MYT1L: variants seen among roughly 807,000 people sequenced by gnomAD.
MYT1L encodes myelin transcription factor 1-like protein.
In MYT1L, 12 loss-of-function variants were observed where a neutral mutation model predicts 126.7. That is an observed-to-expected ratio of 0.09 (90% CI 0.06 to 0.15). The LOEUF (loss-of-function observed/expected upper bound fraction) is 0.15. Ranked by LOEUF, MYT1L falls within the 10% of genes least tolerant of loss-of-function variation. The probability of loss-of-function intolerance (pLI) is 1.00; values close to 1 mark genes in which losing one functional copy is unlikely to be tolerated. For synonymous variants in MYT1L, 541 were observed against 604.2 expected (o/e 0.90, Z 1.53); for missense variants, 979 against 1,585.2 (o/e 0.62, Z 6.49).
Position 2,271,155 on chromosome 2 carries a change from T to C in MYT1L, c.-421+13249A>G, listed in dbSNP as rs2095256475. Among the ~76,000 whole-genome samples, 3 of 152,214 alleles carry C rather than the reference T, an allele frequency of 2.0e-5. No individual in the cohort carries two copies. In the South Asian group the frequency reaches 6.2e-4, roughly 31 times the overall value. On this transcript the variant is annotated intron_variant, in intron 2 of 24. Coordinates refer to ENST00000647738, the MANE Select transcript of MYT1L (RefSeq NM_001303052.2). Reference sequence around the variant, plus strand: ...GCAAGGAACTGACAAGTAACCCTTTTGTTTTTCTCTGTCTCAACAGTCTGG... The same window carrying C: ...GCAAGGAACTGACAAGTAACCCTTTCGTTTTTCTCTGTCTCAACAGTCTGG...
intron 3 of MYT1L, among the ~76,000 whole-genome samples, chr2:2,133,108 G>A (rs1034271675): frequency 6.6e-6 from 1 of 152,142 alleles, no homozygotes; most frequent in African/African-American, 2.4e-5. Context: ...GTTAAGAGAC[G>A]GCGCTTTTTG....
intron 23 of MYT1L, chr2:1,795,599 G>C (rs1475094562): frequency 6.6e-6 from 1 of 152,298 alleles, no homozygotes; most frequent in African/African-American, 2.4e-5. Flanking sequence ...CCTGTGTCGC[G>C]AGTGGGTGTG....
At chr2:1,851,944 C>T (rs773891317) in intron 18 of MYT1L, among the ~76,000 whole-genome samples, 17 of 152,092 alleles carry the variant, frequency 1.1e-4, no homozygotes, top group South Asian at 2.1e-4. Flanking sequence ...GCAGATGCCG[C>T]ACTTTTGGTC....
Position 1,999,403 on chromosome 2 carries a change from C to T in MYT1L, c.-157-2056G>A, listed in dbSNP as rs535090531. ...AGTATAAAACAGATGGGTAAGATAT[C>T]GCTACATCAACTCAAGGCAAGGTGG... is the stretch of plus-strand genomic sequence containing the variant. On this transcript the variant is annotated intron_variant, in intron 4 of 24. Transcript: ENST00000647738. 6.6e-5 allele frequency among the ~76,000 whole-genome samples: 10 copies of T among 152,070 alleles called. No homozygotes were observed. In the South Asian group the frequency reaches 1.0e-3, roughly 16 times the overall value.
chr2:1,990,180 G>T (rs1446422127), intron 5 of MYT1L, among the ~76,000 whole-genome samples: 1 of 152,262 alleles, frequency 6.6e-6, no homozygotes, highest in African/African-American at 2.4e-5. Flanking sequence ...GATCTAGGAG[G>T]TGTAGCTGAT....
chr2:1,963,134 G>C (rs1471503595), intron 8 of MYT1L, among the ~76,000 whole-genome samples: 1 of 152,222 alleles, frequency 6.6e-6, no homozygotes, highest in Non-Finnish European at 1.5e-5. Context: ...AATGGATGTT[G>C]TGTCTGCAGG....
chr2:2,147,665 G>C (rs2148260593), intron 3 of MYT1L, among the ~76,000 whole-genome samples: 1 of 152,252 alleles, frequency 6.6e-6, no homozygotes, highest in Middle Eastern at 3.4e-3. Flanking sequence ...GGGGCGGGTG[G>C]GTGGCTCAGA....
chr2:2,094,406 G>A (rs1400936452), intron 3 of MYT1L, among the ~76,000 whole-genome samples: 12 of 152,132 alleles, frequency 7.9e-5, no homozygotes, highest in Non-Finnish European at 2.9e-5. Flanking sequence ...ATTTGACCCA[G>A]CCATCCCATT....
At chr2:2,152,535 T>A (rs962152554) in intron 3 of MYT1L, among the ~76,000 whole-genome samples, 9 of 152,138 alleles carry the variant, frequency 5.9e-5, no homozygotes, top group African/African-American at 1.9e-4. Context: ...TGGTGAGGGC[T>A]GCAGGAGACG....
intron 18 of MYT1L, among the ~76,000 whole-genome samples, chr2:1,883,628 G>A (rs531586884): frequency 4.2e-4 from 64 of 152,246 alleles, no homozygotes; most frequent in African/African-American, 1.2e-3. Flanking sequence ...CAGGGCTCAC[G>A]GTGACCCTGT....
At chr2:1,946,384 T>C (rs1370341580) in intron 8 of MYT1L, among the ~76,000 whole-genome samples, 1 of 151,974 alleles carries the variant, frequency 6.6e-6, no homozygotes, top group Non-Finnish European at 1.5e-5. Flanking sequence ...CCCCAAACCA[T>C]GGAAAAGCTG....
intron 22 of MYT1L, among the ~76,000 whole-genome samples, chr2:1,805,517 T>C (rs994179342): frequency 6.6e-6 from 1 of 152,092 alleles, no homozygotes; most frequent in Non-Finnish European, 1.5e-5. Context: ...TTTGGGAGGC[T>C]GAGGTGGGCA....
At chr2:2,120,490 T>A (rs2080843458) in intron 3 of MYT1L, among the ~76,000 whole-genome samples, 1 of 152,102 alleles carries the variant, frequency 6.6e-6, no homozygotes, top group African/African-American at 2.4e-5. Flanking sequence ...TTTTTATTTT[T>A]AAAAATCATT....
At chr2:2,237,419 G>A (rs1348770456) in intron 2 of MYT1L, among the ~76,000 whole-genome samples, 4 of 152,298 alleles carry the variant, frequency 2.6e-5, no homozygotes, top group East Asian at 1.9e-4. Context: ...ATGTCTCCTC[G>A]CATCACTGTG....
intron 4 of MYT1L, among the ~76,000 whole-genome samples, chr2:2,038,105 C>A (rs968320297): frequency 6.6e-6 from 1 of 152,074 alleles, no homozygotes; most frequent in Non-Finnish European, 1.5e-5. Context: ...GCAATAGGAC[C>A]GGGACTACAA....
In MYT1L at chr2:1,791,510, T is replaced by C. The variant is rs2032086657; in HGVS notation, c.*357A>G. On this transcript the variant is annotated 3_prime_UTR_variant, in exon 25 of 25. Coordinates refer to ENST00000647738, the MANE Select transcript of MYT1L (RefSeq NM_001303052.2). The surrounding 1 kb of genome is among the most constrained non-coding windows in gnomAD (Gnocchi z 6.0). Reference sequence around the variant, plus strand: ...TTTGTGTGTCCATTTCAGTTCAAAATACTAAAACATTTAATCACTAAAGCA... The same window carrying C: ...TTTGTGTGTCCATTTCAGTTCAAAACACTAAAACATTTAATCACTAAAGCA... The C allele has an allele frequency of 6.5e-5, 21 of 325,334 alleles. No individual in the cohort carries two copies. The highest frequency in any genetic ancestry group is 5.8e-4 in the South Asian group (21 of 36,300). 20.2% of individuals were successfully genotyped at this position (325,334 alleles called of 1,614,324 possible). A position where few individuals can be genotyped will look rare whatever the true frequency, so the allele number is the denominator to read the frequency against.
chr2:1,853,124 G>C (rs972210249), intron 18 of MYT1L, among the ~76,000 whole-genome samples: 1 of 152,148 alleles, frequency 6.6e-6, no homozygotes, highest in Non-Finnish European at 1.5e-5. Context: ...TAGATCTCAG[G>C]GTATAGAAGT....
chr2:1,888,027 A>G (rs1340433550), intron 16 of MYT1L, among the ~76,000 whole-genome samples: 3 of 152,186 alleles, frequency 2.0e-5, no homozygotes, highest in Admixed American at 1.3e-4. Context: ...TTCCCCCACC[A>G]TTGGTCAGTA....
intron 2 of MYT1L, among the ~76,000 whole-genome samples, chr2:2,238,239 T>C (rs373586548): frequency 6.6e-6 from 1 of 152,128 alleles, no homozygotes; most frequent in East Asian, 1.9e-4. Flanking sequence ...AGGAAGTCAG[T>C]CCTTACTGGG....
Sources: allele counts gnomAD v4.1 joint callset (sites outside exome capture counted in the v4.1 genomes callset), GRCh38; gene constraint gnomAD v4.1.1; non-coding constraint Gnocchi (gnomAD v3.1); transcripts MANE v1.5; gene names NCBI Gene and HGNC (gene_info 2026-07-23, HGNC 2026-07-21).